DCHS1: variants seen among roughly 807,000 people sequenced by gnomAD.
DCHS1 encodes the protein protocadherin-16.
DCHS1 carries 78 observed loss-of-function variants against 213.9 expected under a neutral mutation model. The observed-to-expected ratio is 0.36, with a 90% CI of 0.30 to 0.44. The LOEUF is 0.44. Among genes scored for constraint, DCHS1 ranks in the 20% least tolerant of loss-of-function variants. The pLI is 1.00. For missense variants in DCHS1, 3,946 were observed against 4,395.9 expected (o/e 0.90, Z 2.89); for synonymous variants, 1,828 against 1,873.7 (o/e 0.98, Z 0.63).
In DCHS1 at chr11:6,623,682, A is replaced by G; in HGVS notation, c.7994T>C (p.Leu2665Pro). The change falls in exon 21 of 21, where the codon CTG becomes CCG. Residue 2665 changes from leucine (L) to proline (P), a missense_variant. By Grantham distance (98) the Leu-to-Pro change is moderately conservative. Around this residue, in one of 3 missense-constraint regions of DCHS1, gnomAD observed 3,384 missense variants for 3,780.1 expected, o/e 0.90. Transcript: ENST00000299441. ...SSGTLRLAHA[L>P]DCETQARHQL... ...ATGTCGAGCCTGGGTCTCACAGTCC[A>G]GGGCATGGGCCAGTCGCAAGGTGCC... The G allele has an allele frequency of 6.2e-7, 1 of 1,613,836 alleles. No homozygotes were observed. The highest frequency in any genetic ancestry group is 1.1e-5 in the South Asian group (1 of 91,084).
chr11:6,631,693 C>A lies in DCHS1; in HGVS notation c.3598G>T (p.Ala1200Ser). The change falls in exon 7 of 21, where the codon GCA becomes TCA. Residue 1200 changes from alanine to serine, a missense_variant. This residue lies in a region of DCHS1 where 3,384 missense variants were observed against 3,780.1 expected (regional missense o/e 0.90). Transcript: ENST00000299441. ...CTGTTGTCGTTGAGGTCAAGCACTG[C>A]AACATGCACAGTGCCTGTGGTGCTG... ...PRSTTGTVHV[A>S]VLDLNDNSPT... The A allele has an allele frequency of 6.2e-7, 1 of 1,610,326 alleles. No homozygotes were observed. The highest frequency in any genetic ancestry group is 8.5e-7 in the Non-Finnish European group (1 of 1,178,242).
At chr11:6,639,752 T>C in intron 2 of DCHS1, 65 bp downstream of exon 2, 4 of 1,401,170 alleles carry the variant, frequency 2.9e-6, no homozygotes, top group Non-Finnish European at 3.9e-6. Context: ...TGGTTCCTGC[T>C]CTGAGGTCCC....
chr11:6,627,701 T>C lies in DCHS1; in HGVS notation c.5372-34A>G. ...AAGGGCATGCACATATAAATATACA[T>C]GTGTCGTGGGGATGGGGGTGATTTA... On this transcript the variant is annotated intron_variant, in intron 13 of 20. Coordinates refer to ENST00000299441, the MANE Select transcript of DCHS1 (RefSeq NM_003737.4). The surrounding 1 kb of genome is among the most constrained non-coding windows in gnomAD (Gnocchi z 5.4). The C allele has an allele frequency of 6.3e-7, 1 of 1,590,334 alleles. No individual in the cohort carries two copies. The highest frequency in any genetic ancestry group is 8.6e-7 in the Non-Finnish European group (1 of 1,164,726).
chr11:6,655,473 C>T (rs907935245), intron 1 of DCHS1, 90 bp downstream of exon 1: 10 of 872,816 alleles, frequency 1.1e-5, no homozygotes, highest in African/African-American at 5.5e-5. Flanking sequence ...AGAACAAAGC[C>T]CCCGGCTCCG....
chr11:6,622,563 GC>G lies in DCHS1; in HGVS notation c.9112del (p.Ala3038LeufsTer9). Reference sequence around the variant, plus strand: ...CATGCGGATCTCATCATCCTCTGCAGCCTCTGCTGATCCTCGGCCACTTGAA... The same window carrying G: ...CATGCGGATCTCATCATCCTCTGCAGCTCTGCTGATCCTCGGCCACTTGAA... ...SHSSGRGSAE[A>X]AEDDEIRMIN... On this transcript the variant is annotated frameshift_variant, in exon 21 of 21. Transcript: ENST00000299441. LOFTEE classifies it high-confidence loss of function. This position sits in a 1 kb window ranked among gnomAD's most constrained non-coding sequence, Gnocchi z 5.4. 1 of 1,581,144 alleles carries G rather than the reference GC, an allele frequency of 6.3e-7. No homozygotes were observed. The highest frequency in any genetic ancestry group is 8.6e-7 in the Non-Finnish European group (1 of 1,164,212).
intron 2 of DCHS1, among the ~76,000 whole-genome samples, chr11:6,636,109 A>G (rs1855982302): frequency 6.6e-6 from 1 of 152,100 alleles, no homozygotes; most frequent in Non-Finnish European, 1.5e-5. Context: ...TTATCTGTGA[A>G]CTCTCTAAAC....
At position 6,625,002 on chromosome 11, in the gene DCHS1, C is replaced by T. The variant is rs536782875; in HGVS notation, c.7147-134G>A. ...CTTGGAGCCCCTACTCCTAAGTATT[C>T]GAATGGGAAATGCCCACCTTCTCCC... On this transcript the variant is annotated intron_variant, in intron 19 of 20. Coordinates refer to ENST00000299441, the MANE Select transcript of DCHS1 (RefSeq NM_003737.4). This position sits in a 1 kb window ranked among gnomAD's most constrained non-coding sequence, Gnocchi z 5.3. The T allele has an allele frequency of 3.4e-5, 48 of 1,420,478 alleles. No individual in the cohort carries two copies. The highest frequency in any genetic ancestry group is 7.4e-5 in the East Asian group (3 of 40,692). The allele number at this position is 1,420,478 out of a possible 1,614,324, so 88.0% of individuals were successfully genotyped here.
At chr11:6,643,731 T>C (rs1163252292) in intron 1 of DCHS1, among the ~76,000 whole-genome samples, 1 of 152,210 alleles carries the variant, frequency 6.6e-6, no homozygotes, top group African/African-American at 2.4e-5. Context: ...GTGCCATCTA[T>C]TTGCTAATGA....
intron 1 of DCHS1, among the ~76,000 whole-genome samples, chr11:6,649,655 C>G (rs181232666): frequency 9.2e-5 from 14 of 152,264 alleles, no homozygotes; most frequent in Middle Eastern, 6.8e-3. Context: ...CAGATCAAGT[C>G]CTTTCCTTCA....
rs1421629869 is a variant in DCHS1 at position 6,633,606 on chromosome 11, G to T, written c.2261C>A (p.Ser754Tyr). ...AGCCCCGATCTCCAGCTGCACCACA[G>T]AATTGGCCCGTCTGGCCAAGGGCCA... ...VAWPLARRAN[S>Y]VVQLEIGAED... The change falls in exon 5 of 21, where the codon TCT becomes TAT. Residue 754 changes from serine (S) to tyrosine (Y), a missense_variant. This residue lies in a region of DCHS1 where 3,384 missense variants were observed against 3,780.1 expected (regional missense o/e 0.90). Coordinates refer to ENST00000299441, the MANE Select transcript of DCHS1 (RefSeq NM_003737.4). 8.1e-6 allele frequency: 13 copies of T among 1,599,050 alleles called. No homozygotes were observed. Among genetic ancestry groups the T allele is most frequent in the Middle Eastern group, 1.6e-4 (1 of 6,068 alleles).
At position 6,633,601 on chromosome 11, in the gene DCHS1, C is replaced by A. The variant is rs747279643; in HGVS notation, c.2266G>T (p.Val756Leu). 1.9e-6 allele frequency: 3 copies of A among 1,599,014 alleles called. No individual in the cohort carries two copies. The highest frequency in any genetic ancestry group is 1.7e-6 in the Non-Finnish European group (2 of 1,172,704). ...WPLARRANSV[V>L]QLEIGAEDGG... ...TCCTCAGCCCCGATCTCCAGCTGCA[C>A]CACAGAATTGGCCCGTCTGGCCAAG... The change falls in exon 5 of 21, where the codon GTG (valine) becomes TTG (leucine). Residue 756 changes from valine (V) to leucine (L), a missense_variant. Physicochemically the swap from Val to Leu is conservative, Grantham distance 32. This residue lies in a region of DCHS1 where 3,384 missense variants were observed against 3,780.1 expected (regional missense o/e 0.90). Transcript: ENST00000299441.
Position 6,633,449 on chromosome 11 carries a change from G to A in DCHS1, c.2418C>T (p.Gly806=), listed in dbSNP as rs772540606. ...VFSVPEDVAP[G]TSVGIVQAHN... ...GTGCCTGGACTATGCCCACACTGGTGCCTGGTGCCACATCCTCTGGCACAG... is the reference window on the plus strand; with the variant it reads ...GTGCCTGGACTATGCCCACACTGGTACCTGGTGCCACATCCTCTGGCACAG... The change falls in exon 5 of 21, where the codon GGC becomes GGT. Residue 806 remains glycine, a synonymous_variant. Coordinates refer to ENST00000299441, the MANE Select transcript of DCHS1 (RefSeq NM_003737.4). The A allele has an allele frequency of 4.7e-5, 73 of 1,566,606 alleles. No homozygotes were observed. The East Asian group carries it at 1.7e-3, about 35-fold the overall frequency.
chr11:6,629,400 ACT>A, intron 12 of DCHS1, 50 bp downstream of exon 12: 1 of 1,599,290 alleles, frequency 6.3e-7, no homozygotes, highest in Non-Finnish European at 8.5e-7. Flanking sequence ...TCCAGGTAAC[ACT>A]GGTGTTTACA....
At chr11:6,630,888 C>CAGA in intron 9 of DCHS1, 25 bp from the exon 10 acceptor site, 1 of 1,503,338 alleles carries the variant, frequency 6.7e-7, no homozygotes, top group Non-Finnish European at 8.9e-7. Context: ...GGAGGGAGAA[C>CAGA]AGAATTGTGA....
At position 6,621,832 on chromosome 11, in the gene DCHS1, G is replaced by A; in HGVS notation, c.9844C>T (p.Leu3282Phe). Residue 3282 changes from leucine (L) to phenylalanine (F), a missense_variant, in exon 21 of 21, where the codon CTC becomes TTC. By Grantham distance (22) the Leu-to-Phe change is conservative. This residue lies in a region of DCHS1 where 554 missense variants were observed against 590.2 expected (regional missense o/e 0.94). Transcript: ENST00000299441. ...GGCTCCAGGCCAGACTCTGCGCTGA[G>A]TGCTGAGGCTGAGGGACCCTGGGCC... ...GVAQGPSASALSAESGLEPPD... is the reference protein window; with the variant it reads ...GVAQGPSASAFSAESGLEPPD... The A allele has an allele frequency of 3.1e-6, 5 of 1,609,298 alleles. No individual in the cohort carries two copies. Among genetic ancestry groups the A allele is most frequent in the Non-Finnish European group, 4.2e-6 (5 of 1,178,124 alleles).
At chr11:6,647,591 G>A (rs112777540) in intron 1 of DCHS1, among the ~76,000 whole-genome samples, 3,224 of 152,326 alleles carry the variant, frequency 0.021, 101 homozygotes, top group African/African-American at 0.073. Flanking sequence ...GTGCCAAGCA[G>A]CTCACAGACA....
intron 5 of DCHS1, 110 bp downstream of exon 5, chr11:6,633,301 TA>T: frequency 8.2e-7 from 1 of 1,221,412 alleles, no homozygotes; most frequent in Non-Finnish European, 1.1e-6. Flanking sequence ...AGGAGTGTTT[TA>T]TACTGGGGCT....
At position 6,622,214 on chromosome 11, in the gene DCHS1, C is replaced by T; in HGVS notation, c.9462G>A (p.Glu3154=). Reference sequence around the variant, plus strand: ...AGTTATAGCTGCCACGGAGCTCCTCCTCGCCGGCCACAATGGCTGTCAGCG... The same window carrying T: ...AGTTATAGCTGCCACGGAGCTCCTCTTCGCCGGCCACAATGGCTGTCAGCG... ...AGALTAIVAG[E]EELRGSYNWD... is the part of the protein sequence containing the mutation. The change falls in exon 21 of 21, where the codon GAG becomes GAA. Residue 3154 remains glutamate (E), a synonymous_variant. Coordinates refer to ENST00000299441, the MANE Select transcript of DCHS1 (RefSeq NM_003737.4). This position sits in a 1 kb window ranked among gnomAD's most constrained non-coding sequence, Gnocchi z 5.4. The T allele has an allele frequency of 6.2e-7, 1 of 1,601,316 alleles. No individual in the cohort carries two copies. The highest frequency in any genetic ancestry group is 2.3e-5 in the East Asian group (1 of 44,444).
chr11:6,627,443 C>G lies in DCHS1; in HGVS notation c.5596G>C (p.Glu1866Gln). Residue 1866 changes from glutamate to glutamine, a missense_variant, in exon 14 of 21, where the codon GAG (glutamate) becomes CAG (glutamine). Physicochemically the swap from Glu to Gln is conservative, Grantham distance 29. Coordinates refer to ENST00000299441, the MANE Select transcript of DCHS1 (RefSeq NM_003737.4). This position sits in a 1 kb window ranked among gnomAD's most constrained non-coding sequence, Gnocchi z 5.4. Reference sequence around the variant, plus strand: ...AGCAGGGTCCCTGCAGGCACATCCTCCGGCACCTCCACCGAGTAGGCAGGC... The same window carrying G: ...AGCAGGGTCCCTGCAGGCACATCCTGCGGCACCTCCACCGAGTAGGCAGGC... ...PVPAYSVEVP[E>Q]DVPAGTLLLQ... 6.2e-7 allele frequency: 1 copy of G among 1,610,770 alleles called. No homozygotes were observed. Among genetic ancestry groups the G allele is most frequent in the Non-Finnish European group, 8.5e-7 (1 of 1,178,644 alleles).
Sources: gnomAD v4.1 joint callset for allele counts (sites outside exome capture counted in the v4.1 genomes callset) on GRCh38, gnomAD v4.1.1 for gene constraint, gnomAD v4.1.1 regional missense constraint, Gnocchi (gnomAD v3.1) non-coding constraint, MANE v1.5 for transcripts, NCBI Gene and HGNC (gene_info 2026-07-23, HGNC 2026-07-21) for gene names.